Variants in GFM2 observed in about 807,000 individuals in gnomAD.
The protein encoded by GFM2 is GTP dependent ribosome recycling factor mitochondrial 2, also known as ribosome-releasing factor 2, mitochondrial.
In GFM2, 72 loss-of-function variants were observed where a neutral mutation model predicts 95.4. The observed-to-expected ratio is 0.76, with a 90% CI of 0.62 to 0.92. GFM2 has a LOEUF of 0.92. Ranked by LOEUF, GFM2 falls within the 40% of genes least tolerant of loss-of-function variation. GFM2 has a pLI of 0.00. For synonymous variants in GFM2, 276 were observed against 317.5 expected (o/e 0.87, Z 1.39); for missense variants, 825 against 924.1 (o/e 0.89, Z 1.39).
chr5:74,765,795 G>A (rs1245085928), intron 1 of GFM2, among the ~76,000 whole-genome samples: 9 of 152,012 alleles, frequency 5.9e-5, no homozygotes, highest in African/African-American at 2.2e-4. Flanking sequence ...TCAGGAGTTC[G>A]AAACCAGCCC....
chr5:74,741,479 T>G, intron 11 of GFM2, 50 bp downstream of exon 11: 1 of 855,744 alleles, frequency 1.2e-6, no homozygotes, highest in Non-Finnish European at 1.9e-6. Context: ...GAAATCAAAC[T>G]ACATCCAATT....
In GFM2 at chr5:74,741,736, T is replaced by C. The variant is rs561855235; in HGVS notation, c.850-127A>G. 15 of 510,328 alleles carry C rather than the reference T, an allele frequency of 2.9e-5. No individual in the cohort carries two copies. The East Asian group carries it at 3.7e-4, about 12-fold the overall frequency. The allele number at this position is 510,328 out of a possible 1,614,324, so 31.6% of individuals were successfully genotyped here. Reference sequence around the variant, plus strand: ...AGCTACCTTACCTAGGCCAAGCAACTCTTCACTTCTTCTAAAGAGATAAAG... The same window carrying C: ...AGCTACCTTACCTAGGCCAAGCAACCCTTCACTTCTTCTAAAGAGATAAAG... On this transcript the variant is annotated intron_variant, in intron 10 of 20. Coordinates refer to ENST00000296805, the MANE Select transcript of GFM2 (RefSeq NM_032380.5).
chr5:74,757,933 C>A (rs937509044), intron 5 of GFM2, among the ~76,000 whole-genome samples: 2 of 151,502 alleles, frequency 1.3e-5, no homozygotes, highest in Non-Finnish European at 2.9e-5. Flanking sequence ...TGCAAGGGAC[C>A]GGGGAAAGGG....
intron 5 of GFM2, among the ~76,000 whole-genome samples, chr5:74,752,338 TTTATTTC>T (rs1205363494): frequency 6.6e-6 from 1 of 152,182 alleles, no homozygotes; most frequent in Non-Finnish European, 1.5e-5. Context: ...TATACTACCA[TTTATTTC>T]AGCATTAAAC....
chr5:74,752,765 A>G (rs779304972), intron 5 of GFM2, among the ~76,000 whole-genome samples: 3 of 152,220 alleles, frequency 2.0e-5, no homozygotes, highest in Non-Finnish European at 4.4e-5. Context: ...TATGGTCTGA[A>G]CTAGAAAAGA....
chr5:74,728,195 T>A (rs1750235954), intron 17 of GFM2, among the ~76,000 whole-genome samples: 1 of 152,200 alleles, frequency 6.6e-6, no homozygotes, highest in African/African-American at 2.4e-5. Context: ...CAGTAAAAAA[T>A]ACATGCCTAA....
intron 9 of GFM2, 63 bp downstream of exon 9, chr5:74,746,042 A>C: frequency 1.6e-6 from 2 of 1,222,000 alleles, no homozygotes; most frequent in Non-Finnish European, 2.3e-6. Context: ...GGAAATGTAT[A>C]TATTGTCACA....
intron 10 of GFM2, among the ~76,000 whole-genome samples, chr5:74,743,772 A>C (rs1470058806): frequency 2.0e-5 from 3 of 152,212 alleles, no homozygotes; most frequent in Non-Finnish European, 4.4e-5. Context: ...AGCGGGTAAG[A>C]GCTTTAGCTC....
chr5:74,746,987 T>C (rs573393760), intron 8 of GFM2, among the ~76,000 whole-genome samples: 8 of 152,316 alleles, frequency 5.3e-5, no homozygotes, highest in African/African-American at 1.9e-4. Context: ...ATAGTTTATG[T>C]TTCATTTTTG....
intron 17 of GFM2, among the ~76,000 whole-genome samples, chr5:74,728,099 C>T (rs1218184106): frequency 1.3e-5 from 2 of 152,082 alleles, no homozygotes; most frequent in African/African-American, 2.4e-5. Flanking sequence ...TCATGCCCAT[C>T]GCACCTATTT....
chr5:74,763,696 G>C lies in GFM2; in HGVS notation c.47C>G (p.Pro16Arg), dbSNP rs1392069914. The change falls in exon 2 of 21, where the codon CCC becomes CGC. Residue 16 changes from proline to arginine, a missense_variant. Physicochemically the swap from Pro to Arg is moderately radical, Grantham distance 103. Coordinates refer to ENST00000296805, the MANE Select transcript of GFM2 (RefSeq NM_032380.5). Reference protein sequence around the residue: ...RIFAMSHQTIPSVYINNICCY... With the variant: ...RIFAMSHQTIRSVYINNICCY... The stretch of plus-strand genomic sequence containing the variant: ...AATGCTTACATTAATATACACACTG[G>C]GTATTGTCTGATGACTCATTGCAAA... 6.3e-7 allele frequency: 1 copy of C among 1,585,226 alleles called. No homozygotes were observed. Among genetic ancestry groups the C allele is most frequent in the South Asian group, 1.1e-5 (1 of 90,398 alleles).
chr5:74,766,288 G>A (rs555075511), intron 1 of GFM2, among the ~76,000 whole-genome samples: 1 of 152,156 alleles, frequency 6.6e-6, no homozygotes, highest in African/African-American at 2.4e-5. Flanking sequence ...TGGGCGACTG[G>A]GCGAGATGCC....
At chr5:74,734,039 G>A (rs1252800735) in intron 15 of GFM2, among the ~76,000 whole-genome samples, 1 of 152,086 alleles carries the variant, frequency 6.6e-6, no homozygotes, top group African/African-American at 2.4e-5. Flanking sequence ...AAAGAGCTGA[G>A]CACTGGATTA....
intron 5 of GFM2, among the ~76,000 whole-genome samples, chr5:74,757,939 A>G (rs62366408): frequency 0.36 from 54,322 of 151,822 alleles, 12,936 homozygotes; most frequent in African/African-American, 0.68. Context: ...GGACCGGGGA[A>G]AGGGGAAAAT....
chr5:74,741,084 A>T (rs1321698248), intron 11 of GFM2, among the ~76,000 whole-genome samples: 2 of 152,206 alleles, frequency 1.3e-5, no homozygotes, highest in African/African-American at 4.8e-5. Context: ...CTGTATGTCA[A>T]AAGACAAAAA....
chr5:74,733,365 C>T, intron 15 of GFM2: 1 of 290,044 alleles, frequency 3.4e-6, no homozygotes, highest in Non-Finnish European at 6.6e-6. Flanking sequence ...TTCAAACAGC[C>T]ATACATACTG....
intron 15 of GFM2, among the ~76,000 whole-genome samples, chr5:74,734,488 C>A (rs1310808853): frequency 6.6e-6 from 1 of 151,988 alleles, no homozygotes; most frequent in Non-Finnish European, 1.5e-5. Context: ...GACAGAAATG[C>A]GGAATCTTAG....
intron 7 of GFM2, among the ~76,000 whole-genome samples, chr5:74,748,213 C>T (rs1743487967): frequency 6.6e-6 from 1 of 152,134 alleles, no homozygotes; most frequent in Admixed American, 6.5e-5. Flanking sequence ...TTATTTCAGA[C>T]ACTTATTTTG....
chr5:74,736,881 T>C lies in GFM2; in HGVS notation c.1425A>G (p.Ala475=), dbSNP rs572606330. ...GEKKHRQNNE[A]ERLLLAGVEI... is the part of the protein sequence containing the mutation. Reference sequence around the variant, plus strand: ...CCACTCCAGCCAATAAAAGTCTCTCTGCTTCATTGTTTTGTCTGTGCTTCT... The same window carrying C: ...CCACTCCAGCCAATAAAAGTCTCTCCGCTTCATTGTTTTGTCTGTGCTTCT... Residue 475 remains alanine, a synonymous_variant, in exon 15 of 21, where the codon GCA becomes GCG. Transcript: ENST00000296805. 2.5e-6 allele frequency: 4 copies of C among 1,613,992 alleles called. No individual in the cohort carries two copies. Among genetic ancestry groups the C allele is most frequent in the East Asian group, 2.2e-5 (1 of 44,876 alleles).
Sources: allele counts gnomAD v4.1 joint callset (sites outside exome capture counted in the v4.1 genomes callset), GRCh38; gene constraint gnomAD v4.1.1; transcripts MANE v1.5; gene names NCBI Gene and HGNC (gene_info 2026-07-23, HGNC 2026-07-21).